The following SERPINB13 variants were observed in gnomAD, a reference collection of about 807,000 sequenced individuals.
SERPINB13 encodes serpin family B member 13, also known as serpin B13.
In SERPINB13, 26 loss-of-function variants were observed where a neutral mutation model predicts 31.2. The ratio of observed to expected loss-of-function variants is 0.83; its 90% CI spans 0.61 to 1.15. The LOEUF (loss-of-function observed/expected upper bound fraction) is 1.15. Among genes scored for constraint, SERPINB13 ranks in the 50% most tolerant of loss-of-function variants. The pLI, the probability that SERPINB13 is intolerant of heterozygous loss-of-function variation, is 0.00. For missense variants in SERPINB13, 510 were observed against 469.4 expected (o/e 1.09, Z -0.80); for synonymous variants, 191 against 172.4 (o/e 1.11, Z -0.85).
intron 3 of SERPINB13, among the ~76,000 whole-genome samples, chr18:63,591,580 G>A (rs973518384): frequency 2.6e-5 from 4 of 152,024 alleles, no homozygotes; most frequent in African/African-American, 9.7e-5. Context: ...AGTGGCTATT[G>A]AACACTTGCA....
intron 2 of SERPINB13, 143 bp downstream of exon 2, chr18:63,588,975 A>G (rs1911683129): frequency 2.2e-6 from 2 of 910,438 alleles, no homozygotes; most frequent in East Asian, 2.7e-5. Context: ...ACAAGGAGCA[A>G]TTTCAGGTCT....
intron 3 of SERPINB13, among the ~76,000 whole-genome samples, chr18:63,591,980 G>T (rs771256291): frequency 6.6e-6 from 1 of 151,928 alleles, no homozygotes; most frequent in African/African-American, 2.4e-5. Context: ...GATAAGAATC[G>T]TCCGGAGAAA....
Position 63,597,043 on chromosome 18 carries a change from C to G in SERPINB13, c.856C>G (p.Pro286Ala). 6.2e-7 allele frequency: 1 copy of G among 1,614,138 alleles called. No individual in the cohort carries two copies. The highest frequency in any genetic ancestry group is 8.5e-7 in the Non-Finnish European group (1 of 1,180,004). Residue 286 changes from proline to alanine, a missense_variant, in exon 8 of 8, where the codon CCC becomes GCC. Pro to Ala is a conservative substitution (Grantham distance 27). Coordinates refer to ENST00000344731, the MANE Select transcript of SERPINB13 (RefSeq NM_012397.4). ...AGAAAGAAAGGTGAATCTGCACTTG[C>G]CCCGGTTTGAGGTGGAGGACGGTTA... ...MEERKVNLHLPRFEVEDGYDL... is the reference protein window; with the variant it reads ...MEERKVNLHLARFEVEDGYDL...
chr18:63,596,980 G>T lies in SERPINB13; in HGVS notation c.793G>T (p.Glu265Ter). ...LEKIIDKISP[E>*]KLVEWTSPGH... ...ATAGATAATAGATAAAATAAGTCCT[G>T]AGAAATTGGTAGAGTGGACTAGTCC... Residue 265 changes from glutamate to a stop codon, truncating the protein, a stop_gained, in exon 8 of 8, where the codon GAG becomes TAG. Transcript: ENST00000344731. LOFTEE classifies it low-confidence loss of function (END_TRUNC). 6.2e-7 allele frequency: 1 copy of T among 1,609,762 alleles called. No individual in the cohort carries two copies. Among genetic ancestry groups the T allele is most frequent in the Non-Finnish European group, 8.5e-7 (1 of 1,177,948 alleles).
rs773070315 is a variant in SERPINB13, at chr18:63,594,515, T to C, written c.615+18T>C. On this transcript the variant is annotated intron_variant, in intron 6 of 7. Coordinates refer to ENST00000344731, the MANE Select transcript of SERPINB13 (RefSeq NM_012397.4). ...TGAATAAGGTATGGCCCTTAGTTTA[T>C]TTTCGTGATGTGCTTACACATGGAA... 1.7e-5 allele frequency: 27 copies of C among 1,612,070 alleles called. No homozygotes were observed. In the South Asian group the frequency reaches 2.9e-4, roughly 17 times the overall value.
rs1912288912 is a variant in SERPINB13, at chr18:63,598,023, C to A, written c.*660C>A. ...TAAATGATGTAGTTGATCAGTATTC[C>A]TCCTCTATCACCTTTTTAGACTTTG... On this transcript the variant is annotated 3_prime_UTR_variant, in exon 8 of 8. Transcript: ENST00000344731. The A allele has an allele frequency of 6.6e-6, 1 of 151,870 alleles. No individual in the cohort carries two copies. Among genetic ancestry groups the A allele is most frequent in the Non-Finnish European group, 1.5e-5 (1 of 67,984 alleles). 9.4% of individuals were successfully genotyped at this position (151,870 alleles called of 1,614,324 possible).
At position 63,597,358 on chromosome 18, in the gene SERPINB13, C is replaced by T; in HGVS notation, c.1171C>T (p.Pro391Ser). The change falls in exon 8 of 8, where the codon CCT becomes TCT. Residue 391 changes from proline (P) to serine (S), a missense_variant. Transcript: ENST00000344731. ...SILFFGRFSS[P>S] ...CCTCTTCTTCGGCAGATTTTCTTCT[C>T]CTTAAGATGATCGTTGCCATGGCAT... is the stretch of plus-strand genomic sequence containing the variant. The T allele has an allele frequency of 6.2e-7, 1 of 1,605,210 alleles. No individual in the cohort carries two copies. The highest frequency in any genetic ancestry group is 1.3e-5 in the African/African-American group (1 of 74,850).
Position 63,596,910 on chromosome 18 carries a change from G to T in SERPINB13, c.772-49G>T. 5 of 1,466,916 alleles carry T rather than the reference G, an allele frequency of 3.4e-6. No homozygotes were observed. In the East Asian group the frequency reaches 1.1e-4, roughly 33 times the overall value. 90.9% of individuals were successfully genotyped at this position (1,466,916 alleles called of 1,614,324 possible). ...CACAAATCAGTGTTACACTGTTTTA[G>T]ATTTTTATTGATAATCATGCCATTC... On this transcript the variant is annotated intron_variant, in intron 7 of 7. Coordinates refer to ENST00000344731, the MANE Select transcript of SERPINB13 (RefSeq NM_012397.4).
chr18:63,590,762 C>T (rs1004053180), intron 3 of SERPINB13, among the ~76,000 whole-genome samples: 1 of 152,190 alleles, frequency 6.6e-6, no homozygotes, highest in Admixed American at 6.5e-5. Flanking sequence ...CTTACACATA[C>T]ATGCTGTCTA....
chr18:63,587,727 G>A (rs1175831284), intron 1 of SERPINB13, among the ~76,000 whole-genome samples: 3 of 152,258 alleles, frequency 2.0e-5, no homozygotes, highest in Non-Finnish European at 4.4e-5. Flanking sequence ...GAGCCCTTGA[G>A]GGCAAAAGGC....
intron 3 of SERPINB13, among the ~76,000 whole-genome samples, chr18:63,592,086 C>T (rs1210860044): frequency 6.6e-6 from 1 of 152,070 alleles, no homozygotes; most frequent in Non-Finnish European, 1.5e-5. Flanking sequence ...CCAAAAAAGC[C>T]CACAACTTGA....
Position 63,597,163 on chromosome 18 carries a change from T to C in SERPINB13, c.976T>C (p.Tyr326His). The C allele has an allele frequency of 6.2e-7, 1 of 1,614,230 alleles. No individual in the cohort carries two copies. Among genetic ancestry groups the C allele is most frequent in the Non-Finnish European group, 8.5e-7 (1 of 1,180,030 alleles). The change falls in exon 8 of 8, where the codon TAC becomes CAC. Residue 326 changes from tyrosine to histidine, a missense_variant. Transcript: ENST00000344731. ...YSGMSSGSGL[Y>H]AQKFLHSSFV... is the part of the protein sequence containing the mutation. The stretch of plus-strand genomic sequence containing the variant: ...GGGAATGTCGTCAGGCTCCGGGTTG[T>C]ACGCCCAGAAGTTCCTGCACAGTTC...
At position 63,598,037 on chromosome 18, in the gene SERPINB13, T is replaced by C. The variant is rs982008360; in HGVS notation, c.*674T>C. The C allele has an allele frequency of 6.6e-6, 1 of 152,168 alleles. No individual in the cohort carries two copies. The highest frequency in any genetic ancestry group is 1.5e-5 in the Non-Finnish European group (1 of 68,008). The allele number at this position is 152,168 out of a possible 1,614,324, so 9.4% of individuals were successfully genotyped here. On this transcript the variant is annotated 3_prime_UTR_variant, in exon 8 of 8. Transcript: ENST00000344731. ...GATCAGTATTCCTCCTCTATCACCT[T>C]TTTAGACTTTGTAAGGTAAATATTT...
Position 63,597,425 on chromosome 18 carries a change from G to C in SERPINB13, c.*62G>C, listed in dbSNP as rs1912253069. On this transcript the variant is annotated 3_prime_UTR_variant, in exon 8 of 8. Transcript: ENST00000344731. ...AAACAACTACCAGTGTTACTCATAT[G>C]ATTATGAAAATCGTCCATTCTTTTA... 1.3e-6 allele frequency: 2 copies of C among 1,488,602 alleles called. No homozygotes were observed. The highest frequency in any genetic ancestry group is 2.7e-5 in the South Asian group (2 of 75,450). The allele number at this position is 1,488,602 out of a possible 1,614,324, so 92.2% of individuals were successfully genotyped here.
In SERPINB13 at chr18:63,588,845, C is replaced by A; in HGVS notation, c.165+13C>A. 1 of 1,610,442 alleles carries A rather than the reference C, an allele frequency of 6.2e-7. No individual in the cohort carries two copies. Among genetic ancestry groups the A allele is most frequent in the South Asian group, 1.1e-5 (1 of 90,836 alleles). ...CCAGTTGGAGGAGGTTGGGCGCAGT[C>A]AGGGGGCTTCCTTGTTTCCTATGCA... On this transcript the variant is annotated intron_variant, in intron 2 of 7. Transcript: ENST00000344731.
intron 2 of SERPINB13, 50 bp downstream of exon 2, chr18:63,588,882 G>A (rs376162944): frequency 1.4e-6 from 2 of 1,423,056 alleles, no homozygotes; most frequent in Non-Finnish European, 9.4e-7. Context: ...AAATTCATTT[G>A]GCGGGGGGGT....
chr18:63,590,312 A>T (rs1051072305), intron 3 of SERPINB13, among the ~76,000 whole-genome samples: 2 of 152,140 alleles, frequency 1.3e-5, no homozygotes, highest in African/African-American at 4.8e-5. Context: ...CTACTCAAAT[A>T]TGGGAAAGGA....
intron 6 of SERPINB13, 152 bp from the exon 7 acceptor site, chr18:63,594,877 T>C: frequency 2.8e-6 from 2 of 705,996 alleles, no homozygotes; most frequent in Admixed American, 3.1e-5. Flanking sequence ...TTTGAGCAAA[T>C]GCATACTGGT....
At chr18:63,591,366 G>GCCTT (rs66523612) in intron 3 of SERPINB13, among the ~76,000 whole-genome samples, 33 of 149,202 alleles carry the variant, frequency 2.2e-4, no homozygotes, top group African/African-American at 7.1e-4. Flanking sequence ...GATGGGGCCG[G>GCCTT]CCTTCCTTCC....
Sources: allele counts gnomAD v4.1 joint callset (sites outside exome capture counted in the v4.1 genomes callset), GRCh38; gene constraint gnomAD v4.1.1; transcripts MANE v1.5; gene names NCBI Gene and HGNC (gene_info 2026-07-23, HGNC 2026-07-21).